Variants in SH2D5 observed in about 807,000 individuals in gnomAD.
SH2D5 encodes the protein SH2 domain containing 5.
In SH2D5, 45 loss-of-function variants were observed where a neutral mutation model predicts 48.2. That is an observed-to-expected ratio of 0.93 (90% CI 0.73 to 1.20). The LOEUF is 1.20. SH2D5 is among the 50% of genes most tolerant of loss of function. The pLI is 0.00. For synonymous variants in SH2D5, 230 were observed against 249.8 expected (o/e 0.92, Z 0.75); for missense variants, 538 against 584.1 (o/e 0.92, Z 0.81).
In SH2D5 at chr1:20,721,598, T is replaced by C. The variant is rs2154538366; in HGVS notation, c.*194A>G. 3.8e-6 allele frequency: 2 copies of C among 525,100 alleles called. No homozygotes were observed. The highest frequency in any genetic ancestry group is 3.1e-5 in the East Asian group (1 of 32,492). 32.5% of individuals were successfully genotyped at this position (525,100 alleles called of 1,614,324 possible). On this transcript the variant is annotated 3_prime_UTR_variant, in exon 10 of 10. Coordinates refer to ENST00000444387, the MANE Select transcript of SH2D5 (RefSeq NM_001103161.2). The stretch of plus-strand genomic sequence containing the variant: ...CCTCCTGGAATCTCAGCAGGCCACA[T>C]GTTCTCCAAGAAGCCATTGGCGATA...
rs1322641067 is a variant in SH2D5, at chr1:20,724,255, G to C, written c.631-4C>G. 4.3e-6 allele frequency: 7 copies of C among 1,612,198 alleles called. No individual in the cohort carries two copies. The highest frequency in any genetic ancestry group is 5.9e-6 in the Non-Finnish European group (7 of 1,179,530). On this transcript the variant is annotated splice_region_variant and splice_polypyrimidine_tract_variant and intron_variant, in intron 6 of 9. Coordinates refer to ENST00000444387, the MANE Select transcript of SH2D5 (RefSeq NM_001103161.2). ...CTTCCGACTCTGGCAGCTCCTTCTA[G>C]GGCACCAAGAGGGGCCCACAGGCAG...
chr1:20,727,404 C>T, intron 3 of SH2D5, 119 bp downstream of exon 3: 1 of 1,043,584 alleles, frequency 9.6e-7, no homozygotes, highest in Non-Finnish European at 1.4e-6. Flanking sequence ...CAGCCCACCA[C>T]AAACAGGGCC....
At chr1:20,726,870 C>A in intron 4 of SH2D5, 131 bp downstream of exon 4, 1 of 679,374 alleles carries the variant, frequency 1.5e-6, no homozygotes, top group Non-Finnish European at 2.3e-6. Context: ...GGTAGGCTGG[C>A]GCGCCAGGGG....
In SH2D5 at chr1:20,724,654, G is replaced by C. The variant is rs1323755132; in HGVS notation, c.391-19C>G. The C allele has an allele frequency of 6.5e-7, 1 of 1,527,914 alleles. No homozygotes were observed. The highest frequency in any genetic ancestry group is 8.8e-7 in the Non-Finnish European group (1 of 1,139,706). 94.6% of individuals were successfully genotyped at this position (1,527,914 alleles called of 1,614,324 possible). ...TCTGGACCTGGGAGGGAGGGAGAGA[G>C]GTGGGCTCAGCTGGAGGAGGTCTCC... On this transcript the variant is annotated intron_variant, in intron 5 of 9. Coordinates refer to ENST00000444387, the MANE Select transcript of SH2D5 (RefSeq NM_001103161.2).
rs750451477 is a variant in SH2D5 at position 20,727,071 on chromosome 1, C to T, written c.173G>A (p.Cys58Tyr). ...VQQQLWALKDCPRRRAVILKF... is the reference protein window; with the variant it reads ...VQQQLWALKDYPRRRAVILKF... ...CAGGATGACGGCCCGGCGTCGGGGACAGTCCTGGGTGGAAAAGAGTAGTGG... is the reference window on the plus strand; with the variant it reads ...CAGGATGACGGCCCGGCGTCGGGGATAGTCCTGGGTGGAAAAGAGTAGTGG... Residue 58 changes from cysteine to tyrosine, a missense_variant, in exon 4 of 10, where the codon TGT (cysteine) becomes TAT (tyrosine). Physicochemically the swap from Cys to Tyr is radical, Grantham distance 194 (BLOSUM62 -2). Coordinates refer to ENST00000444387, the MANE Select transcript of SH2D5 (RefSeq NM_001103161.2). 6.2e-7 allele frequency: 1 copy of T among 1,611,106 alleles called. No individual in the cohort carries two copies. The highest frequency in any genetic ancestry group is 8.5e-7 in the Non-Finnish European group (1 of 1,178,644).
chr1:20,721,833 T>C lies in SH2D5; in HGVS notation c.1231A>G (p.Ser411Gly). ...GRPPRTLRPLSHAKSEAELQG... is the reference protein window; with the variant it reads ...GRPPRTLRPLGHAKSEAELQG... ...AGCTCTGCCTCGGACTTGGCATGGC[T>C]GAGGGGCCGGAGAGTCCGGGGCGGC... The change falls in exon 10 of 10, where the codon AGC becomes GGC. Residue 411 changes from serine to glycine, a missense_variant. Ser to Gly is a moderately conservative substitution (Grantham distance 56, BLOSUM62 0). Coordinates refer to ENST00000444387, the MANE Select transcript of SH2D5 (RefSeq NM_001103161.2). The C allele has an allele frequency of 1.2e-6, 2 of 1,608,078 alleles. No individual in the cohort carries two copies. The highest frequency in any genetic ancestry group is 1.7e-6 in the Non-Finnish European group (2 of 1,177,600).
At position 20,723,665 on chromosome 1, in the gene SH2D5, C is replaced by T. The variant is rs2054732949; in HGVS notation, c.869G>A (p.Ser290Asn). The change falls in exon 8 of 10, where the codon AGC (serine) becomes AAC (asparagine). Residue 290 changes from serine (S) to asparagine (N), a missense_variant. By Grantham distance (46) the Ser-to-Asn change is conservative. Transcript: ENST00000444387. ...GAAGGCCCAGATGTTCTCCGTCAGG[C>T]TGCCCTCGCTCTCCACCAGGCACGA... ...GHSCLVESEG[S>N]LTENIWAFAG... The T allele has an allele frequency of 6.2e-7, 1 of 1,613,082 alleles. No homozygotes were observed. The highest frequency in any genetic ancestry group is 2.2e-5 in the East Asian group (1 of 44,862).
At position 20,721,957 on chromosome 1, in the gene SH2D5, C is replaced by T. The variant is rs779679323; in HGVS notation, c.1107G>A (p.Val369=). 1 of 1,613,106 alleles carries T rather than the reference C, an allele frequency of 6.2e-7. No individual in the cohort carries two copies. The highest frequency in any genetic ancestry group is 1.7e-5 in the Admixed American group (1 of 60,024). The part of the protein sequence containing the change: ...PAEFPSLEAL[V]ENHAVTERSL... Reference sequence around the variant, plus strand: ...TACGTTCAGTAACCGCGTGGTTCTCCACCAGAGCCTCCAGGCTGGGGAACT... The same window carrying T: ...TACGTTCAGTAACCGCGTGGTTCTCTACCAGAGCCTCCAGGCTGGGGAACT... Residue 369 remains valine (V), a synonymous_variant, in exon 10 of 10, where the codon GTG becomes GTA. Coordinates refer to ENST00000444387, the MANE Select transcript of SH2D5 (RefSeq NM_001103161.2).
rs2054786467 is a variant in SH2D5 at position 20,725,829 on chromosome 1, C to T, written c.390+91G>A. 5.9e-6 allele frequency: 9 copies of T among 1,522,578 alleles called. No homozygotes were observed. The Admixed American group carries it at 1.5e-4, about 26-fold the overall frequency. 94.3% of individuals were successfully genotyped at this position (1,522,578 alleles called of 1,614,324 possible). On this transcript the variant is annotated intron_variant, in intron 5 of 9. Coordinates refer to ENST00000444387, the MANE Select transcript of SH2D5 (RefSeq NM_001103161.2). ...GCATGCCTGGAGGGGGATCAGGCCGCCCTGGCAAAGCCCTCAAGGAACCCA... is the reference window on the plus strand; with the variant it reads ...GCATGCCTGGAGGGGGATCAGGCCGTCCTGGCAAAGCCCTCAAGGAACCCA...
chr1:20,722,228 AC>A (rs982249439), intron 9 of SH2D5, among the ~76,000 whole-genome samples: 7 of 151,878 alleles, frequency 4.6e-5, no homozygotes, highest in Admixed American at 3.9e-4. Flanking sequence ...AAGCCTCGCC[AC>A]CCCCTCCCAT....
At chr1:20,730,726 CTTGTCTCT>C (rs964546124) in intron 1 of SH2D5, 4 of 152,440 alleles carry the variant, frequency 2.6e-5, no homozygotes, top group African/African-American at 7.2e-5. Context: ...AAAACACCCA[CTTGTCTCT>C]TTGGGGCAGA....
rs1201154661 is a variant in SH2D5, at chr1:20,720,004, C to A, written c.*1788G>T. On this transcript the variant is annotated 3_prime_UTR_variant, in exon 10 of 10. Coordinates refer to ENST00000444387, the MANE Select transcript of SH2D5 (RefSeq NM_001103161.2). ...CAGGTAATTCACCAGTAAAACCCAT[C>A]CCTCACAGAGGAGAGCCTTGGCCCA... 6.6e-6 allele frequency: 1 copy of A among 152,262 alleles called. No individual in the cohort carries two copies. The highest frequency in any genetic ancestry group is 1.5e-5 in the Non-Finnish European group (1 of 68,076). 9.4% of individuals were successfully genotyped at this position (152,262 alleles called of 1,614,324 possible).
In SH2D5 at chr1:20,722,867, C is replaced by A. The variant is rs1173067873; in HGVS notation, c.957G>T (p.Leu319=). Residue 319 remains leucine, a synonymous_variant, in exon 9 of 10, where the codon CTG becomes CTT. Transcript: ENST00000444387. ...CGCTAGCACCCAGCTCAGGCCACAG[C>A]AGGAAGGCCCCCAGCACGTCTCTCC... ...LLRRDVLGAF[L]LWPELGASGQ... 6.2e-7 allele frequency: 1 copy of A among 1,605,374 alleles called. No individual in the cohort carries two copies. Among genetic ancestry groups the A allele is most frequent in the Admixed American group, 1.7e-5 (1 of 59,002 alleles).
Position 20,728,151 on chromosome 1 carries a change from G to T in SH2D5, c.-42-65C>A. 1 of 746,390 alleles carries T rather than the reference G, an allele frequency of 1.3e-6. No individual in the cohort carries two copies. Among genetic ancestry groups the T allele is most frequent in the Non-Finnish European group, 2.2e-6 (1 of 458,684 alleles). 46.2% of individuals were successfully genotyped at this position (746,390 alleles called of 1,614,324 possible). ...GCAAGCCACAGAGTGCCCCCCACAG[G>T]CCATTCATTCACTGGCTTCCTGAGC... On this transcript the variant is annotated intron_variant, in intron 1 of 9. Coordinates refer to ENST00000444387, the MANE Select transcript of SH2D5 (RefSeq NM_001103161.2). The surrounding 1 kb of genome is among the most constrained non-coding windows in gnomAD (Gnocchi z 4.3).
chr1:20,722,331 C>A (rs2054703172), intron 9 of SH2D5, among the ~76,000 whole-genome samples: 1 of 152,234 alleles, frequency 6.6e-6, no homozygotes, highest in Admixed American at 6.5e-5. Flanking sequence ...TCAGTTTCCT[C>A]CTCTGCTAAG....
At chr1:20,722,095 G>C (rs2054698723) in intron 9 of SH2D5, 100 bp from the exon 10 acceptor site, 1 of 1,149,152 alleles carries the variant, frequency 8.7e-7, no homozygotes, top group South Asian at 1.5e-5. Flanking sequence ...TTGGAGAGCA[G>C]GGAACGGAGC....
In SH2D5 at chr1:20,721,771, G is replaced by A. The variant is rs1482324368; in HGVS notation, c.*21C>T. The stretch of plus-strand genomic sequence containing the variant: ...CAGGAGCCGGGGTGAGGCGGGGCCT[G>A]TGGGACCGGGGCCCTACCTCTTAGC... On this transcript the variant is annotated 3_prime_UTR_variant, in exon 10 of 10. Transcript: ENST00000444387. 6.7e-7 allele frequency: 1 copy of A among 1,500,176 alleles called. No individual in the cohort carries two copies. Among genetic ancestry groups the A allele is most frequent in the South Asian group, 1.3e-5 (1 of 77,112 alleles). The allele number at this position is 1,500,176 out of a possible 1,614,324, so 92.9% of individuals were successfully genotyped here.
At chr1:20,722,564 G>A (rs1407187378) in intron 9 of SH2D5, among the ~76,000 whole-genome samples, 192 bp downstream of exon 9, 2 of 152,198 alleles carry the variant, frequency 1.3e-5, no homozygotes, top group African/African-American at 4.8e-5. Flanking sequence ...CAGGGCCAAT[G>A]AGGAAGGAGC....
At position 20,722,818 on chromosome 1, in the gene SH2D5, T is replaced by A; in HGVS notation, c.1006A>T (p.Thr336Ser). Residue 336 changes from threonine to serine, a missense_variant, in exon 9 of 10, where the codon ACG (threonine) becomes TCG (serine). Thr to Ser is a moderately conservative substitution (Grantham distance 58, BLOSUM62 1). Coordinates refer to ENST00000444387, the MANE Select transcript of SH2D5 (RefSeq NM_001103161.2). ...ASGQWCLSVR[T>S]QCGVVPHQVF... is the part of the protein sequence containing the mutation. The stretch of plus-strand genomic sequence containing the variant: ...TGGTGGGGCACCACGCCGCACTGCG[T>A]GCGCACGGACAGACACCACTGGCCG... 1 of 1,602,824 alleles carries A rather than the reference T, an allele frequency of 6.2e-7. No homozygotes were observed. Among genetic ancestry groups the A allele is most frequent in the Non-Finnish European group, 8.5e-7 (1 of 1,175,184 alleles).
Sources: allele counts gnomAD v4.1 joint callset (sites outside exome capture counted in the v4.1 genomes callset), GRCh38; gene constraint gnomAD v4.1.1; non-coding constraint Gnocchi (gnomAD v3.1); transcripts MANE v1.5; gene names NCBI Gene and HGNC (gene_info 2026-07-23, HGNC 2026-07-21).